Variants in AKAP19 observed in about 807,000 individuals in gnomAD.
The protein encoded by AKAP19 is small A-kinase anchoring protein.
chr2:190,157,424 G>T, the AKAP19 span, among the ~76,000 whole-genome samples: 2 of 142,110 alleles, frequency 1.4e-5, no homozygotes, highest in Non-Finnish European at 3.1e-5. Flanking sequence ...TCTAGAATAG[G>T]TTTCTACTCC....
At chr2:190,007,953 C>A in the AKAP19 span, among the ~76,000 whole-genome samples, 1 of 152,138 alleles carries the variant, frequency 6.6e-6, no homozygotes, top group African/African-American at 2.4e-5. Flanking sequence ...CAGCAAGAGA[C>A]TCTGTCTCAT....
chr2:190,181,018 A>C, the AKAP19 span: 12 of 985,422 alleles, frequency 1.2e-5, no homozygotes, highest in Middle Eastern at 1.0e-3. Flanking sequence ...GGAGCTTCGG[A>C]GACCCGCCCC....
chr2:190,059,857 A>T, the AKAP19 span, among the ~76,000 whole-genome samples: 1 of 151,984 alleles, frequency 6.6e-6, no homozygotes, highest in African/African-American at 2.4e-5. Flanking sequence ...TAAAATCTTG[A>T]TGCAAAGTAA....
At chr2:190,115,593 A>G in the AKAP19 span, among the ~76,000 whole-genome samples, 2 of 151,508 alleles carry the variant, frequency 1.3e-5, no homozygotes, top group African/African-American at 4.9e-5. Context: ...TGCTGGGATT[A>G]CAGGCGTGAG....
At chr2:189,992,601 T>A in the AKAP19 span, among the ~76,000 whole-genome samples, 2 of 152,228 alleles carry the variant, frequency 1.3e-5, no homozygotes, top group African/African-American at 4.8e-5. Flanking sequence ...AATCTTTAGA[T>A]TGCTTTTGGC....
chr2:189,949,157 G>C, the AKAP19 span, among the ~76,000 whole-genome samples: 11 of 152,202 alleles, frequency 7.2e-5, no homozygotes, highest in Admixed American at 7.2e-4. Flanking sequence ...ACAAAAAGCC[G>C]GCCCTCAGTA....
chr2:190,077,686 G>A, the AKAP19 span, among the ~76,000 whole-genome samples: 17 of 152,102 alleles, frequency 1.1e-4, no homozygotes, highest in African/African-American at 4.1e-4. Context: ...TTTATTGAGT[G>A]CAGGGGATTG....
At chr2:189,942,129 A>G in the AKAP19 span, among the ~76,000 whole-genome samples, 657 of 152,316 alleles carry the variant, frequency 4.3e-3, 7 homozygotes, top group African/African-American at 0.015. Context: ...CTCATGTTGA[A>G]TTATAATCTC....
chr2:190,177,691 GTC>G, the AKAP19 span, among the ~76,000 whole-genome samples: 10 of 152,330 alleles, frequency 6.6e-5, no homozygotes, highest in East Asian at 1.7e-3. The surrounding 1 kb of genome is among the most constrained non-coding windows in gnomAD (Gnocchi z 4.6). Flanking sequence ...TCTGTGGTCT[GTC>G]TGTCTGACGT....
the AKAP19 span, among the ~76,000 whole-genome samples, chr2:190,112,392 A>G: frequency 1.3e-5 from 2 of 152,054 alleles, no homozygotes; most frequent in East Asian, 3.9e-4. Context: ...CTTTGTATTT[A>G]CTTAGTTTCA....
chr2:190,128,031 AC>A, the AKAP19 span, among the ~76,000 whole-genome samples: 1 of 152,244 alleles, frequency 6.6e-6, no homozygotes, highest in Non-Finnish European at 1.5e-5. Context: ...TAAGGAAATA[AC>A]AGTAGGGGTG....
chr2:190,177,660 G>C, the AKAP19 span, among the ~76,000 whole-genome samples: 2 of 152,208 alleles, frequency 1.3e-5, no homozygotes, highest in East Asian at 1.9e-4. This position sits in a 1 kb window ranked among gnomAD's most constrained non-coding sequence, Gnocchi z 4.6. Context: ...AGAAACCAGT[G>C]GCGGGAGTCA....
At chr2:190,165,205 G>A in the AKAP19 span, among the ~76,000 whole-genome samples, 2 of 152,192 alleles carry the variant, frequency 1.3e-5, no homozygotes, top group Non-Finnish European at 2.9e-5. Flanking sequence ...GGGAGGCTGA[G>A]GCAGGTAGAT....
chr2:189,959,449 T>A, the AKAP19 span, among the ~76,000 whole-genome samples: 1 of 151,700 alleles, frequency 6.6e-6, no homozygotes, highest in East Asian at 1.9e-4. Context: ...TGTACACTGA[T>A]TTTTTTTCAG....
the AKAP19 span, among the ~76,000 whole-genome samples, chr2:190,111,211 C>G: frequency 6.6e-6 from 1 of 152,090 alleles, no homozygotes; most frequent in Non-Finnish European, 1.5e-5. Context: ...CTACCAGGTG[C>G]CCCAGATATC....
chr2:189,892,500 G>T, the AKAP19 span, among the ~76,000 whole-genome samples: 1 of 152,148 alleles, frequency 6.6e-6, no homozygotes, highest in Non-Finnish European at 1.5e-5. Context: ...TCTGATGCAG[G>T]TCTGCTGGTA....
the AKAP19 span, among the ~76,000 whole-genome samples, chr2:190,070,903 A>G: frequency 3.3e-5 from 5 of 152,162 alleles, no homozygotes; most frequent in African/African-American, 4.8e-5. Flanking sequence ...TTCATCAAAT[A>G]CTTATGAACA....
the AKAP19 span, among the ~76,000 whole-genome samples, chr2:190,105,277 A>G: frequency 6.6e-6 from 1 of 152,172 alleles, no homozygotes; most frequent in South Asian, 2.1e-4. Flanking sequence ...TGATATATAT[A>G]TCTCAAATAA....
chr2:189,989,232 T>G, the AKAP19 span, among the ~76,000 whole-genome samples: 3 of 151,816 alleles, frequency 2.0e-5, no homozygotes, highest in African/African-American at 7.3e-5. Flanking sequence ...ATAATAGAAA[T>G]AGTGTATCTA....
Sources: allele counts gnomAD v4.1 joint callset (sites outside exome capture counted in the v4.1 genomes callset), GRCh38; gene constraint gnomAD v4.1.1; non-coding constraint Gnocchi (gnomAD v3.1); transcripts MANE v1.5; gene names NCBI Gene and HGNC (gene_info 2026-07-23, HGNC 2026-07-21).